The following PTPRG variants were observed in gnomAD, a reference collection of about 807,000 sequenced individuals.
PTPRG encodes protein tyrosine phosphatase receptor type G, also known as receptor-type tyrosine-protein phosphatase gamma.
In PTPRG, 102 loss-of-function variants were observed where a neutral mutation model predicts 165.3. The ratio of observed to expected loss-of-function variants is 0.62; its 90% CI spans 0.53 to 0.73. PTPRG has a LOEUF of 0.73. PTPRG is among the 30% of genes least tolerant of loss of function. The probability of loss-of-function intolerance (pLI) is 0.00; values close to 1 mark genes in which losing one functional copy is unlikely to be tolerated. For missense variants in PTPRG, 1,866 were observed against 1,861.4 expected, an observed-to-expected ratio of 1.00 and a Z score of -0.05; for synonymous variants, 675 against 669.5, an observed-to-expected ratio of 1.01 and a Z score of -0.13.
chr3:62,028,981 G>A (rs1308918350), intron 4 of PTPRG, among the ~76,000 whole-genome samples: 1 of 152,172 alleles, frequency 6.6e-6, no homozygotes, highest in African/African-American at 2.4e-5. Context: ...TCCATCTTGG[G>A]TCAGGTGGTC....
At chr3:62,077,519 G>C (rs1178359059) in intron 4 of PTPRG, among the ~76,000 whole-genome samples, 1 of 152,086 alleles carries the variant, frequency 6.6e-6, no homozygotes, top group Non-Finnish European at 1.5e-5. Flanking sequence ...TTTGCAAAAA[G>C]GTGGTTAACT....
chr3:62,262,774 T>C, intron 16 of PTPRG, 24 bp from the exon 17 acceptor site: 2 of 1,563,778 alleles, frequency 1.3e-6, no homozygotes, highest in Non-Finnish European at 1.8e-6. Context: ...ACTGTGTCTA[T>C]AATCTTGCTG....
At chr3:62,275,384 T>C (rs1380231123) in intron 23 of PTPRG, among the ~76,000 whole-genome samples, 1 of 152,130 alleles carries the variant, frequency 6.6e-6, no homozygotes, top group East Asian at 1.9e-4. Context: ...ACAGCAGCAG[T>C]GACATCACAT....
chr3:61,690,074 T>C (rs2030089211), intron 1 of PTPRG, among the ~76,000 whole-genome samples: 2 of 152,344 alleles, frequency 1.3e-5, no homozygotes, highest in South Asian at 2.1e-4. Context: ...AGCTTCCTTT[T>C]TCTTTGGACA....
chr3:61,987,714 T>C (rs1165462491), intron 2 of PTPRG, among the ~76,000 whole-genome samples: 2 of 152,206 alleles, frequency 1.3e-5, no homozygotes, highest in Non-Finnish European at 2.9e-5. Flanking sequence ...GTAAAATTCC[T>C]ATTTTGGTCA....
chr3:61,617,929 G>A (rs1173485862), intron 1 of PTPRG, among the ~76,000 whole-genome samples: 3 of 152,178 alleles, frequency 2.0e-5, no homozygotes, highest in Admixed American at 6.5e-5. Flanking sequence ...GTAGGAAAAC[G>A]TCTGATAGTG....
intron 4 of PTPRG, among the ~76,000 whole-genome samples, chr3:62,067,460 G>C (rs183025594): frequency 1.3e-5 from 2 of 152,082 alleles, no homozygotes; most frequent in African/African-American, 2.4e-5. Context: ...CCATGGTGGC[G>C]ATGGTTTCAG....
At chr3:61,689,568 A>G (rs781469041) in intron 1 of PTPRG, among the ~76,000 whole-genome samples, 2 of 152,198 alleles carry the variant, frequency 1.3e-5, no homozygotes, top group Non-Finnish European at 2.9e-5. Flanking sequence ...GGAAGATTTA[A>G]TTTCTGTTGT....
intron 2 of PTPRG, among the ~76,000 whole-genome samples, chr3:61,934,516 G>A (rs528846490): frequency 7.9e-5 from 12 of 152,114 alleles, no homozygotes; most frequent in African/African-American, 1.7e-4. Flanking sequence ...GGCTGATCTG[G>A]TGACTATGTT....
At chr3:62,282,676 T>C (rs956182256) in intron 27 of PTPRG, 51 bp from the exon 28 acceptor site, 2 of 1,555,072 alleles carry the variant, frequency 1.3e-6, no homozygotes, top group East Asian at 2.3e-5. Flanking sequence ...CATTAGATTG[T>C]AGATATGTGA....
chr3:62,000,254 C>A (rs1234649896), intron 3 of PTPRG, among the ~76,000 whole-genome samples: 1 of 147,438 alleles, frequency 6.8e-6, no homozygotes. Flanking sequence ...GCGCTCCAGC[C>A]TGGGCAACAG....
At chr3:62,054,428 A>G (rs929078619) in intron 4 of PTPRG, among the ~76,000 whole-genome samples, 18 of 152,326 alleles carry the variant, frequency 1.2e-4, no homozygotes, top group Admixed American at 1.2e-3. Flanking sequence ...ATCCATTTGT[A>G]AGGATCAATT....
At chr3:61,766,032 T>G (rs983013577) in intron 2 of PTPRG, among the ~76,000 whole-genome samples, 3 of 152,208 alleles carry the variant, frequency 2.0e-5, no homozygotes, top group African/African-American at 4.8e-5. Context: ...ACTGACGTTG[T>G]AGGTTAAACA....
intron 1 of PTPRG, among the ~76,000 whole-genome samples, chr3:61,566,877 T>C (rs536430278): frequency 7.4e-4 from 112 of 152,338 alleles, no homozygotes; most frequent in African/African-American, 2.6e-3. Context: ...TGTGGGACAA[T>C]GAAATGCCAT....
intron 2 of PTPRG, among the ~76,000 whole-genome samples, chr3:61,871,391 T>A (rs978352423): frequency 6.6e-6 from 1 of 152,010 alleles, no homozygotes; most frequent in Non-Finnish European, 1.5e-5. Flanking sequence ...CACATCTAGC[T>A]AATTAAAAAA....
At chr3:61,922,087 A>T (rs2039090268) in intron 2 of PTPRG, among the ~76,000 whole-genome samples, 1 of 152,226 alleles carries the variant, frequency 6.6e-6, no homozygotes. Context: ...TTCCTTCTGC[A>T]GGCATATCCT....
intron 5 of PTPRG, among the ~76,000 whole-genome samples, chr3:62,098,377 ATGAGTATAGGC>A (rs1308595766): frequency 1.3e-5 from 2 of 152,242 alleles, no homozygotes; most frequent in Non-Finnish European, 2.9e-5. Context: ...AAGCAAGAAG[ATGAGTATAGGC>A]TGTATGGAAA....
At chr3:62,034,834 C>T (rs1023324955) in intron 4 of PTPRG, among the ~76,000 whole-genome samples, 6 of 152,174 alleles carry the variant, frequency 3.9e-5, no homozygotes, top group South Asian at 2.1e-4. Context: ...TGGCCACCCC[C>T]GCAGCCAGCT....
intron 5 of PTPRG, among the ~76,000 whole-genome samples, chr3:62,088,365 G>C (rs1701819107): frequency 6.6e-6 from 1 of 152,206 alleles, no homozygotes; most frequent in Admixed American, 6.5e-5. Context: ...TCTCGGTAGA[G>C]GGGGGTCAGT....
Sources: allele counts gnomAD v4.1 joint callset (sites outside exome capture counted in the v4.1 genomes callset), GRCh38; gene constraint gnomAD v4.1.1; transcripts MANE v1.5; gene names NCBI Gene and HGNC (gene_info 2026-07-23, HGNC 2026-07-21).